The following STARD13 variants were observed in gnomAD, a reference collection of about 807,000 sequenced individuals.
STARD13 encodes stAR-related lipid transfer protein 13.
A neutral mutation model predicts 106.4 loss-of-function variants in STARD13; 62 were observed. The ratio of observed to expected loss-of-function variants is 0.58; its 90% CI spans 0.48 to 0.72. The LOEUF is 0.72. Ranked by LOEUF, STARD13 falls within the 30% of genes least tolerant of loss-of-function variation. The pLI, the probability that STARD13 is intolerant of heterozygous loss-of-function variation, is 0.00. For synonymous variants in STARD13, 565 were observed against 553.0 expected, an observed-to-expected ratio of 1.02 and a Z score of -0.31; for missense variants, 1,387 against 1,424.0, an observed-to-expected ratio of 0.97 and a Z score of 0.42.
At chr13:33,501,244 C>A in the STARD13 span, among the ~76,000 whole-genome samples, 1 of 151,834 alleles carries the variant, frequency 6.6e-6, no homozygotes, top group Non-Finnish European at 1.5e-5. Flanking sequence ...ACCAGACTAG[C>A]TTTTGTATTT....
chr13:33,398,581 A>G, the STARD13 span, among the ~76,000 whole-genome samples: 5 of 151,902 alleles, frequency 3.3e-5, no homozygotes, highest in Non-Finnish European at 7.3e-5. Context: ...TGCAGAATAT[A>G]TATAAAAAAT....
chr13:33,461,819 A>G, the STARD13 span, among the ~76,000 whole-genome samples: 2 of 152,310 alleles, frequency 1.3e-5, no homozygotes, highest in African/African-American at 2.4e-5. Flanking sequence ...CACACTTTTT[A>G]GAATGGCAAG....
the STARD13 span, among the ~76,000 whole-genome samples, chr13:33,656,125 T>C: frequency 2.6e-5 from 4 of 152,236 alleles, no homozygotes; most frequent in African/African-American, 7.2e-5. Flanking sequence ...ATTCTAATGA[T>C]TTTTTAAAAT....
At chr13:33,369,948 C>A in the STARD13 span, among the ~76,000 whole-genome samples, 84 of 152,230 alleles carry the variant, frequency 5.5e-4, no homozygotes, top group African/African-American at 1.9e-3. Flanking sequence ...ATCATGATAG[C>A]TTAAAATATT....
At position 33,127,877 on chromosome 13, in the gene STARD13, GTGTA is replaced by G. The variant is rs375756256; in HGVS notation, c.1749-335_1749-332del. Among the ~76,000 whole-genome samples the G allele has an allele frequency of 7.0e-3, 624 of 88,678 alleles. 7 individuals carry two copies. The highest frequency in any genetic ancestry group is 0.019 in the African/African-American group (591 of 31,006). 58.2% of individuals were successfully genotyped at this position (88,678 alleles called of 152,430 possible). ...TGTGTGTGAGTGAGTGTGTGTGTGT[GTGTA>G]TGTGAGAGAGAGAGAGAGAGAAACA... On this transcript the variant is annotated intron_variant, in intron 5 of 13. Coordinates refer to ENST00000336934, the MANE Select transcript of STARD13 (RefSeq NM_178006.4).
At chr13:33,658,974 C>A in the STARD13 span, among the ~76,000 whole-genome samples, 5 of 152,112 alleles carry the variant, frequency 3.3e-5, no homozygotes, top group Admixed American at 2.6e-4. Flanking sequence ...GATAGCTGAA[C>A]ATGTGGAGGT....
At chr13:33,674,558 G>C in the STARD13 span, among the ~76,000 whole-genome samples, 1 of 152,146 alleles carries the variant, frequency 6.6e-6, no homozygotes, top group Non-Finnish European at 1.5e-5. Context: ...TATAATTCCA[G>C]TGCATTTCTC....
chr13:33,350,675 TCTC>T, upstream of STARD13: 1 of 1,176,844 alleles, frequency 8.5e-7, no homozygotes. Flanking sequence ...CCACTTTCCT[TCTC>T]CTCCCCTCCT....
At chr13:33,465,045 G>A in the STARD13 span, among the ~76,000 whole-genome samples, 1 of 152,050 alleles carries the variant, frequency 6.6e-6, no homozygotes, top group African/African-American at 2.4e-5. Flanking sequence ...TATAGCCAAT[G>A]TATTATCAAG....
At chr13:33,370,231 G>T in the STARD13 span, among the ~76,000 whole-genome samples, 1 of 152,144 alleles carries the variant, frequency 6.6e-6, no homozygotes, top group South Asian at 2.1e-4. Flanking sequence ...TGAATCTATT[G>T]TAAACAGCTA....
chr13:33,174,113 A>T (rs1884271208), intron 1 of STARD13, among the ~76,000 whole-genome samples: 2 of 152,208 alleles, frequency 1.3e-5, no homozygotes, highest in Admixed American at 6.5e-5. Flanking sequence ...TAGAGAATAA[A>T]CCTAAGCAGG....
the STARD13 span, among the ~76,000 whole-genome samples, chr13:33,538,771 ATT>A: frequency 8.4e-5 from 12 of 143,076 alleles, no homozygotes; most frequent in African/African-American, 1.0e-4. Context: ...AAACTATTTA[ATT>A]TTTTTTTTTT....
chr13:33,275,296 T>C (rs1891368970), intron 1 of STARD13, among the ~76,000 whole-genome samples: 1 of 152,242 alleles, frequency 6.6e-6, no homozygotes, highest in African/African-American at 2.4e-5. Flanking sequence ...ACAAAGTGTA[T>C]AACTTACTCA....
At chr13:33,591,537 A>C in the STARD13 span, among the ~76,000 whole-genome samples, 2 of 152,230 alleles carry the variant, frequency 1.3e-5, no homozygotes, top group African/African-American at 4.8e-5. Flanking sequence ...GGCATGACAG[A>C]AGGGAGAGGC....
the STARD13 span, among the ~76,000 whole-genome samples, chr13:33,362,691 T>C: frequency 1.3e-5 from 2 of 152,246 alleles, no homozygotes; most frequent in Non-Finnish European, 1.5e-5. Context: ...GGTCTTAGCA[T>C]AGCTGTCCCC....
chr13:33,379,838 A>C, the STARD13 span, among the ~76,000 whole-genome samples: 3 of 152,274 alleles, frequency 2.0e-5, no homozygotes, highest in Non-Finnish European at 4.4e-5. Context: ...ACAAGGCAGC[A>C]AAGAGCTGAG....
the STARD13 span, among the ~76,000 whole-genome samples, chr13:33,526,908 C>G: frequency 6.6e-6 from 1 of 152,038 alleles, no homozygotes; most frequent in Non-Finnish European, 1.5e-5. Context: ...TCCTGAGGAT[C>G]ATGTGACGTG....
chr13:33,179,202 G>C (rs1884995349), intron 1 of STARD13, among the ~76,000 whole-genome samples: 2 of 152,116 alleles, frequency 1.3e-5, no homozygotes, highest in South Asian at 4.1e-4. Flanking sequence ...CTTTATTTGA[G>C]GGCATAATTG....
the STARD13 span, among the ~76,000 whole-genome samples, chr13:33,528,243 C>CATATATATATATATAT: frequency 1.1e-5 from 1 of 93,480 alleles, no homozygotes; most frequent in South Asian, 3.0e-4. Flanking sequence ...TATATATATA[C>CATATATATATATATAT]ATATATATAT....
Sources: gnomAD v4.1 joint callset for allele counts (sites outside exome capture counted in the v4.1 genomes callset) on GRCh38, gnomAD v4.1.1 for gene constraint, MANE v1.5 for transcripts, NCBI Gene and HGNC (gene_info 2026-07-23, HGNC 2026-07-21) for gene names.